The following CLVS1 variants were observed in gnomAD, a reference collection of about 807,000 sequenced individuals.
CLVS1 encodes clavesin 1.
CLVS1 carries 10 observed loss-of-function variants against 33.1 expected under a neutral mutation model. That is an observed-to-expected ratio of 0.30 (90% CI 0.19 to 0.51). CLVS1 has a LOEUF of 0.51. Among genes scored for constraint, CLVS1 ranks in the 20% least tolerant of loss-of-function variants. CLVS1 has a pLI of 0.97. For synonymous variants in CLVS1, 163 were observed against 166.1 expected (o/e 0.98, Z 0.14); for missense variants, 343 against 433.4 (o/e 0.79, Z 1.85).
the CLVS1 span, among the ~76,000 whole-genome samples, chr8:61,010,058 G>T: frequency 2.6e-5 from 4 of 152,192 alleles, no homozygotes; most frequent in East Asian, 7.7e-4. Flanking sequence ...GGAGGGAGTA[G>T]GGAATCAGTA....
At chr8:61,383,657 G>T (rs968120344) in intron 3 of CLVS1, among the ~76,000 whole-genome samples, 1 of 152,160 alleles carries the variant, frequency 6.6e-6, no homozygotes, top group Admixed American at 6.5e-5. Flanking sequence ...ACCTTATTAA[G>T]TATCAATTAA....
chr8:61,385,686 A>G (rs905826017), intron 3 of CLVS1, among the ~76,000 whole-genome samples: 5 of 152,210 alleles, frequency 3.3e-5, no homozygotes, highest in Non-Finnish European at 5.9e-5. Flanking sequence ...TCTCAGTCTC[A>G]CTTTTCTCTG....
At chr8:61,068,189 A>C (rs1804716887) in intron 1 of CLVS1, among the ~76,000 whole-genome samples, 1 of 132,892 alleles carries the variant, frequency 7.5e-6, no homozygotes, top group South Asian at 2.4e-4. Flanking sequence ...AAGAATATAT[A>C]TGTGTATATG....
chr8:61,477,853 T>C (rs925239669), intron 5 of CLVS1, among the ~76,000 whole-genome samples: 2 of 152,200 alleles, frequency 1.3e-5, no homozygotes, highest in South Asian at 2.1e-4. Flanking sequence ...TTTGAATGTG[T>C]TAGCTCTTGC....
chr8:60,980,378 T>C, the CLVS1 span, among the ~76,000 whole-genome samples: 13 of 152,224 alleles, frequency 8.5e-5, no homozygotes, highest in Non-Finnish European at 1.9e-4. Flanking sequence ...GTCATAAGAC[T>C]CAGGGCTAGA....
chr8:61,421,386 G>A (rs897403127), intron 3 of CLVS1, among the ~76,000 whole-genome samples: 3 of 152,296 alleles, frequency 2.0e-5, no homozygotes, highest in Non-Finnish European at 2.9e-5. Context: ...AGAGCTATAA[G>A]TCCACTCGGG....
At chr8:61,084,489 T>C (rs1805081668) in intron 1 of CLVS1, among the ~76,000 whole-genome samples, 1 of 152,142 alleles carries the variant, frequency 6.6e-6, no homozygotes, top group South Asian at 2.1e-4. Context: ...TACTAGCTAG[T>C]GAGTAGAAGC....
intron 3 of CLVS1, chr8:61,390,882 C>T (rs1390489150): frequency 1.3e-5 from 2 of 151,860 alleles, no homozygotes; most frequent in African/African-American, 4.8e-5. Flanking sequence ...GTTAAAAAAG[C>T]TTATATAATC....
intron 1 of CLVS1, among the ~76,000 whole-genome samples, chr8:61,122,436 T>C (rs1291989852): frequency 3.3e-5 from 5 of 152,172 alleles, no homozygotes; most frequent in African/African-American, 4.8e-5. Context: ...TGCCAGGAAA[T>C]CTGTCAAACA....
the CLVS1 span, among the ~76,000 whole-genome samples, chr8:61,025,778 CCA>C: frequency 1.3e-5 from 2 of 152,110 alleles, no homozygotes; most frequent in African/African-American, 4.8e-5. Context: ...CTGGAGTTAC[CCA>C]CCTCATCCTG....
In CLVS1 at chr8:61,376,799, A is replaced by G. The variant is rs747403848; in HGVS notation, c.630+20A>G. 5 of 1,583,602 alleles carry G rather than the reference A, an allele frequency of 3.2e-6. No individual in the cohort carries two copies. In the East Asian group the frequency reaches 1.1e-4, roughly 36 times the overall value. On this transcript the variant is annotated intron_variant, in intron 3 of 5. Transcript: ENST00000325897. ...TTGCAGGTATGTTCAATGAATGCGC[A>G]ATACAAGACCATGTGTGGCAACATA...
At chr8:61,080,960 G>A (rs16926799) in intron 1 of CLVS1, among the ~76,000 whole-genome samples, 5,156 of 152,130 alleles carry the variant, frequency 0.034, 312 homozygotes, top group African/African-American at 0.12. Flanking sequence ...TTTGGGTGGC[G>A]GAACTGAAAT....
chr8:61,294,565 A>C (rs1271016844), intron 1 of CLVS1, among the ~76,000 whole-genome samples: 1 of 152,118 alleles, frequency 6.6e-6, no homozygotes, highest in Non-Finnish European at 1.5e-5. Context: ...TATTTCACAG[A>C]ATTTTACCTC....
chr8:61,295,532 C>T (rs1810164406), intron 1 of CLVS1, among the ~76,000 whole-genome samples: 1 of 152,136 alleles, frequency 6.6e-6, no homozygotes, highest in Non-Finnish European at 1.5e-5. Context: ...AATATCTGTT[C>T]ATCCACTGGT....
intron 1 of CLVS1, among the ~76,000 whole-genome samples, chr8:61,086,017 C>T (rs1490299308): frequency 8.8e-6 from 1 of 114,174 alleles, no homozygotes; most frequent in African/African-American, 3.4e-5. Flanking sequence ...GCCTGGGCGA[C>T]AGAGCGAGAC....
intron 3 of CLVS1, among the ~76,000 whole-genome samples, chr8:61,432,862 T>C (rs1384106236): frequency 2.0e-5 from 3 of 152,296 alleles, no homozygotes; most frequent in Admixed American, 6.5e-5. Context: ...CAGTAGGATC[T>C]GTGTCCTGTG....
Position 61,271,587 on chromosome 8 carries a change from G to A in CLVS1, c.-151-28090G>A, listed in dbSNP as rs567284767. Among the ~76,000 whole-genome samples the A allele has an allele frequency of 1.2e-4, 16 of 132,106 alleles. No individual in the cohort carries two copies. In the South Asian group the frequency reaches 3.2e-3, roughly 27 times the overall value. 86.7% of individuals were successfully genotyped at this position (132,106 alleles called of 152,430 possible). ...GGTATCCTTGTTGACTTTCTGTCTCGTTGATGTGTCTAATGTTGACAGTGG... is the reference window on the plus strand; with the variant it reads ...GGTATCCTTGTTGACTTTCTGTCTCATTGATGTGTCTAATGTTGACAGTGG... On this transcript the variant is annotated intron_variant, in intron 2 of 2. Coordinates refer to the CLVS1 transcript ENST00000522621.
Position 61,165,402 on chromosome 8 carries a change from G to A in CLVS1, c.-152+33542G>A, listed in dbSNP as rs560128360. Among the ~76,000 whole-genome samples the A allele has an allele frequency of 2.9e-4, 44 of 152,362 alleles. 1 individual carries two copies. The highest frequency in any genetic ancestry group is 8.9e-4 in the African/African-American group (37 of 41,586). ...GACCCAAAGGGGGTTGCCCTTGCCA[G>A]CTCGAATGCCTGGGTTTATATCCTG... On this transcript the variant is annotated intron_variant, in intron 2 of 2. Transcript: ENST00000522621.
At chr8:61,288,211 T>C (rs559697414) in intron 1 of CLVS1, 73 bp downstream of exon 1, 5 of 456,222 alleles carry the variant, frequency 1.1e-5, no homozygotes, top group African/African-American at 2.0e-5. Context: ...TTCGATGCCA[T>C]GGCTGCGGCG....
Sources: gnomAD v4.1 joint callset for allele counts (sites outside exome capture counted in the v4.1 genomes callset) on GRCh38, gnomAD v4.1.1 for gene constraint, MANE v1.5 for transcripts, NCBI Gene and HGNC (gene_info 2026-07-23, HGNC 2026-07-21) for gene names.